Variants in SPRR2G observed in about 807,000 individuals in gnomAD.
SPRR2G encodes small proline rich protein 2G.
A neutral mutation model predicts 0.7 loss-of-function variants in SPRR2G; 1 was observed. The ratio of observed to expected loss-of-function variants is 1.49; its 90% CI spans 0.53 to 7.06. The LOEUF (loss-of-function observed/expected upper bound fraction) is 7.06. Ranked by LOEUF, SPRR2G falls within the 30% of genes most tolerant of loss-of-function variation. The pLI is 0.14. For synonymous variants in SPRR2G, 38 were observed against 33.9 expected, an observed-to-expected ratio of 1.12 and a Z score of -0.42; for missense variants, 96 against 88.5, an observed-to-expected ratio of 1.09 and a Z score of -0.34.
the SPRR2G span, among the ~76,000 whole-genome samples, chr1:153,175,289 T>C: frequency 4.4e-4 from 67 of 152,308 alleles, 1 homozygote; most frequent in East Asian, 0.012. Flanking sequence ...GGCAGTTGTG[T>C]TATCCTGCCT....
Position 153,150,874 on chromosome 1 carries a change from C to A in SPRR2G, c.-44G>T, listed in dbSNP as rs1209495571. 6.6e-6 allele frequency: 1 copy of A among 152,642 alleles called. No homozygotes were observed. Among genetic ancestry groups the A allele is most frequent in the Non-Finnish European group, 1.5e-5 (1 of 68,364 alleles). The allele number at this position is 152,642 out of a possible 1,614,324, so 9.5% of individuals were successfully genotyped here. ...CACCAGAGTCTTCAAAGATCTACAACTGAATGGCAAGAAGATAGCATCAGT... is the reference window on the plus strand; with the variant it reads ...CACCAGAGTCTTCAAAGATCTACAAATGAATGGCAAGAAGATAGCATCAGT... On this transcript the variant is annotated 5_prime_UTR_variant, in exon 1 of 2. Coordinates refer to ENST00000368748, the MANE Select transcript of SPRR2G (RefSeq NM_001014291.4).
the SPRR2G span, among the ~76,000 whole-genome samples, chr1:153,166,505 C>G: frequency 6.6e-6 from 1 of 152,104 alleles, no homozygotes; most frequent in African/African-American, 2.4e-5. Context: ...CTAATATCAG[C>G]AGCAACAAAA....
At chr1:153,152,945 GT>G (rs1321965046), upstream of SPRR2G, among the ~76,000 whole-genome samples, 1 of 151,834 alleles carries the variant, frequency 6.6e-6, no homozygotes, top group Non-Finnish European at 1.5e-5. Flanking sequence ...GCTTAATGAG[GT>G]TTGCCAGCTT....
the SPRR2G span, among the ~76,000 whole-genome samples, chr1:153,175,246 C>T: frequency 1.3e-5 from 2 of 152,192 alleles, no homozygotes; most frequent in South Asian, 4.1e-4. Context: ...AGCTAAACAC[C>T]ACTCTGCCAA....
chr1:153,169,170 T>A, the SPRR2G span, among the ~76,000 whole-genome samples: 1 of 152,110 alleles, frequency 6.6e-6, no homozygotes, highest in Non-Finnish European at 1.5e-5. Context: ...AAACCAGCCC[T>A]TTTGAAAGAC....
In SPRR2G at chr1:153,149,910, C is replaced by T; in HGVS notation, c.201G>A (p.Lys67=). The T allele has an allele frequency of 1.9e-6, 3 of 1,614,084 alleles. No homozygotes were observed. The highest frequency in any genetic ancestry group is 2.5e-6 in the Non-Finnish European group (3 of 1,180,024). ...GATGTTACTTGCTCTTGGGTGGATA[C>T]TTCTGCTGGCAGGGTGGGTATGGTT... ...PVQPYPPCQQ[K]YPPKSK The change falls in exon 2 of 2, where the codon AAG becomes AAA. Residue 67 remains lysine (K), a synonymous_variant. Coordinates refer to ENST00000368748, the MANE Select transcript of SPRR2G (RefSeq NM_001014291.4).
the SPRR2G span, among the ~76,000 whole-genome samples, chr1:153,179,218 A>G: frequency 1.8e-3 from 275 of 152,238 alleles, 2 homozygotes; most frequent in African/African-American, 6.2e-3. Context: ...GCCTGTATAA[A>G]CTAGGATTTT....
chr1:153,197,820 G>T, the SPRR2G span, among the ~76,000 whole-genome samples: 41,531 of 151,940 alleles, frequency 0.27, 6,113 homozygotes, highest in South Asian at 0.37. Context: ...AAAAGGAGGG[G>T]GATACTCCAG....
the SPRR2G span, among the ~76,000 whole-genome samples, chr1:153,185,482 A>G: frequency 6.6e-6 from 1 of 151,810 alleles, no homozygotes; most frequent in Non-Finnish European, 1.5e-5. Context: ...CATTTCTCCT[A>G]TATTTTCTAG....
the SPRR2G span, among the ~76,000 whole-genome samples, chr1:153,198,805 G>A: frequency 7.2e-5 from 11 of 152,190 alleles, no homozygotes; most frequent in African/African-American, 2.4e-4. Flanking sequence ...AGGGAAGAGG[G>A]TGGGCTTTGG....
the SPRR2G span, among the ~76,000 whole-genome samples, chr1:153,171,350 G>A: frequency 6.6e-6 from 1 of 152,124 alleles, no homozygotes; most frequent in East Asian, 1.9e-4. Context: ...TGAGCTAATG[G>A]ATTGCATATA....
chr1:153,151,543 C>T (rs1197089988), upstream of SPRR2G, among the ~76,000 whole-genome samples: 2 of 152,142 alleles, frequency 1.3e-5, no homozygotes, highest in East Asian at 3.9e-4. Flanking sequence ...CTTCTTAAAG[C>T]TTCACATTTG....
At chr1:153,186,140 G>A in the SPRR2G span, among the ~76,000 whole-genome samples, 1 of 152,092 alleles carries the variant, frequency 6.6e-6, no homozygotes, top group Non-Finnish European at 1.5e-5. Flanking sequence ...CCAATTATGT[G>A]GTCAATTTTA....
chr1:153,200,825 G>C, the SPRR2G span, among the ~76,000 whole-genome samples: 6 of 151,492 alleles, frequency 4.0e-5, no homozygotes, highest in African/African-American at 1.5e-4. Flanking sequence ...TCAGCCTCCC[G>C]AGTAGCTGGG....
chr1:153,174,768 T>A, the SPRR2G span: 1 of 152,208 alleles, frequency 6.6e-6, no homozygotes, highest in African/African-American at 2.4e-5. Flanking sequence ...ATATATTTGC[T>A]ACAGGCCCAA....
the SPRR2G span, among the ~76,000 whole-genome samples, chr1:153,169,444 T>C: frequency 6.6e-6 from 1 of 152,112 alleles, no homozygotes; most frequent in African/African-American, 2.4e-5. Flanking sequence ...TGCACACCTG[T>C]AGTCCCAGCC....
the SPRR2G span, among the ~76,000 whole-genome samples, chr1:153,202,737 T>C: frequency 6.6e-6 from 1 of 152,182 alleles, no homozygotes; most frequent in Non-Finnish European, 1.5e-5. Context: ...CATAATCATG[T>C]CACAATTTTA....
rs1224870337 is a variant in SPRR2G, at chr1:153,150,006, A to G, written c.105T>C (p.Pro35=). ...EPCPPPKCPE[P]YLPPPCPPEH... ...CAGGTGGACAAGGAGGAGGCAGGTAAGGCTCAGGGCACTTCGGGGGTGGAC... is the reference window on the plus strand; with the variant it reads ...CAGGTGGACAAGGAGGAGGCAGGTAGGGCTCAGGGCACTTCGGGGGTGGAC... The change falls in exon 2 of 2, where the codon CCT becomes CCC. Residue 35 remains proline (P), a synonymous_variant. Transcript: ENST00000368748. 6.2e-7 allele frequency: 1 copy of G among 1,613,898 alleles called. No individual in the cohort carries two copies. The highest frequency in any genetic ancestry group is 1.7e-5 in the Admixed American group (1 of 60,004).
the SPRR2G span, among the ~76,000 whole-genome samples, chr1:153,188,068 C>T: frequency 6.6e-6 from 1 of 152,118 alleles, no homozygotes; most frequent in Non-Finnish European, 1.5e-5. Context: ...CCTACTCCTT[C>T]CTCTGGAAGT....
Sources: gnomAD v4.1 joint callset for allele counts (sites outside exome capture counted in the v4.1 genomes callset) on GRCh38, gnomAD v4.1.1 for gene constraint, MANE v1.5 for transcripts, NCBI Gene and HGNC (gene_info 2026-07-23, HGNC 2026-07-21) for gene names.